The following VPS9D1 variants were observed in gnomAD, a reference collection of about 807,000 sequenced individuals.
VPS9D1 encodes VPS9 domain containing 1, also known as VPS9 domain-containing protein 1.
VPS9D1 carries 78 observed loss-of-function variants against 75.8 expected under a neutral mutation model. The observed-to-expected ratio is 1.03, with a 90% CI of 0.86 to 1.24. The LOEUF is 1.24. Among genes scored for constraint, VPS9D1 ranks in the 50% most tolerant of loss-of-function variants. VPS9D1 has a pLI of 0.00. For synonymous variants in VPS9D1, 481 were observed against 385.6 expected (o/e 1.25, Z -2.90); for missense variants, 1,057 against 847.7 (o/e 1.25, Z -3.07).
rs1266740391 is a variant in VPS9D1 at position 89,710,938 on chromosome 16, G to A, written c.906C>T (p.Ala302=). 3 of 1,480,628 alleles carry A rather than the reference G, an allele frequency of 2.0e-6. No homozygotes were observed. Among genetic ancestry groups the A allele is most frequent in the Non-Finnish European group, 1.8e-6 (2 of 1,120,964 alleles). 91.7% of individuals were successfully genotyped at this position (1,480,628 alleles called of 1,614,324 possible). The change falls in exon 10 of 15, where the codon GCC becomes GCT. Residue 302 remains alanine, a synonymous_variant. Transcript: ENST00000389386. ...QCSVYSALYP[A]VSRAAAPAPG... is the part of the protein sequence containing the mutation. The stretch of plus-strand genomic sequence containing the variant: ...GGGCTGGCGCGGCTGCTCTGCTCAC[G>A]GCGGGATACAGGGCGCTGTACACGG...
At chr16:89,717,327 T>C (rs1447261253) in intron 2 of VPS9D1, 3 of 350,084 alleles carry the variant, frequency 8.6e-6, no homozygotes, top group South Asian at 4.3e-5. Context: ...CTCACTCAGC[T>C]TCACTTGCAA....
At chr16:89,717,247 T>C (rs1597929303) in intron 2 of VPS9D1, 1 of 286,666 alleles carries the variant, frequency 3.5e-6, no homozygotes, top group Non-Finnish European at 6.8e-6. Context: ...TTTTGCCTCC[T>C]GAGTCTGCTA....
intron 12 of VPS9D1, 64 bp from the exon 13 acceptor site, chr16:89,709,020 A>AGGGGGGCCCCCC: frequency 7.8e-7 from 1 of 1,277,898 alleles, no homozygotes; most frequent in Admixed American, 3.1e-5. Context: ...CACCCCTTAT[A>AGGGGGGCCCCCC]CCCCGCCCAC....
At chr16:89,720,583 G>A (rs2061233060) in intron 1 of VPS9D1, 180 bp downstream of exon 1, 2 of 1,219,598 alleles carry the variant, frequency 1.6e-6, no homozygotes, top group Non-Finnish European at 2.0e-6. Flanking sequence ...GCTGTCCAAG[G>A]TCACTGCACG....
At chr16:89,718,201 T>C (rs949318458) in intron 2 of VPS9D1, 2 of 397,864 alleles carry the variant, frequency 5.0e-6, no homozygotes, top group African/African-American at 2.1e-5. Flanking sequence ...CTGCCCCATC[T>C]GCCTCCTGCA....
intron 2 of VPS9D1, chr16:89,718,152 A>G: frequency 2.3e-6 from 1 of 432,326 alleles, no homozygotes; most frequent in South Asian, 1.6e-5. Context: ...TAATGTGTTC[A>G]TTGCGGAACT....
In VPS9D1 at chr16:89,711,406, G is replaced by A; in HGVS notation, c.754C>T (p.Pro252Ser). ...ILEYEQDHDW[P>S]KHWKAKLKRN... is the part of the protein sequence containing the mutation. ...TTGAGCTTGGCCTTCCAGTGCTTCG[G>A]CCAGTCCTACGGGACAGGGGGCCTT... is the stretch of plus-strand genomic sequence containing the variant. The change falls in exon 9 of 15, where the codon CCG becomes TCG. Residue 252 changes from proline (P) to serine (S), a missense_variant. Physicochemically the swap from Pro to Ser is moderately conservative, Grantham distance 74. Coordinates refer to ENST00000389386, the MANE Select transcript of VPS9D1 (RefSeq NM_004913.3). 1 of 1,607,098 alleles carries A rather than the reference G, an allele frequency of 6.2e-7. No individual in the cohort carries two copies. The highest frequency in any genetic ancestry group is 1.1e-5 in the South Asian group (1 of 89,578).
rs752481068 is a variant in VPS9D1 at position 89,710,838 on chromosome 16, A to T, written c.1006T>A (p.Ser336Thr). ...GGGGCTGCGCTGGGCTCGGGCGGGG[A>T]CAGCATGCAATGGAGGCTCTGCGAG... ...RPSQSLHCML[S>T]PPEPSAAPRP... The change falls in exon 10 of 15, where the codon TCC becomes ACC. Residue 336 changes from serine to threonine, a missense_variant. Transcript: ENST00000389386. 16 of 1,527,588 alleles carry T rather than the reference A, an allele frequency of 1.0e-5. No homozygotes were observed. In the South Asian group the frequency reaches 1.9e-4, roughly 18 times the overall value. The allele number at this position is 1,527,588 out of a possible 1,614,324, so 94.6% of individuals were successfully genotyped here. A position where few individuals can be genotyped will look rare whatever the true frequency, so the allele number is the denominator to read the frequency against.
In VPS9D1 at chr16:89,716,980, A is replaced by G. The variant is rs1286305147; in HGVS notation, c.176-158T>C. On this transcript the variant is annotated intron_variant, in intron 2 of 14. Coordinates refer to ENST00000389386, the MANE Select transcript of VPS9D1 (RefSeq NM_004913.3). ...CCACTGCCCCCCCATCCCCTCACTG[A>G]CCCTGGGCAAGCCCACTGCCCCCCC... is the stretch of plus-strand genomic sequence containing the variant. 1.6e-5 allele frequency: 7 copies of G among 436,134 alleles called. No homozygotes were observed. In the African/African-American group the frequency reaches 4.0e-4, roughly 25 times the overall value. 27.0% of individuals were successfully genotyped at this position (436,134 alleles called of 1,614,324 possible). A position where few individuals can be genotyped will look rare whatever the true frequency, so the allele number is the denominator to read the frequency against.
chr16:89,714,011 A>T (rs1435453196), intron 4 of VPS9D1, among the ~76,000 whole-genome samples: 6 of 151,994 alleles, frequency 3.9e-5, no homozygotes, highest in Non-Finnish European at 1.5e-5. Flanking sequence ...ATCTCAACTC[A>T]CTGCAACCTC....
In VPS9D1 at chr16:89,710,902, G is replaced by T. The variant is rs1463139953; in HGVS notation, c.942C>A (p.Cys314Ter). 2.7e-6 allele frequency: 4 copies of T among 1,494,990 alleles called. No homozygotes were observed. Among genetic ancestry groups the T allele is most frequent in the South Asian group, 1.3e-5 (1 of 77,424 alleles). The allele number at this position is 1,494,990 out of a possible 1,614,324, so 92.6% of individuals were successfully genotyped here. ...GGCTTCCGGGGTTGGGGGTCGGGGG[G>T]CAGCAGCCTGGGGCTGGCGCGGCTG... Reference protein sequence around the residue: ...SRAAAPAPGCCPPTPNPGSRR... With the variant: ...SRAAAPAPGC Residue 314 changes from cysteine (C) to a stop codon, truncating the protein, a stop_gained, in exon 10 of 15, where the codon TGC becomes TGA. Coordinates refer to ENST00000389386, the MANE Select transcript of VPS9D1 (RefSeq NM_004913.3). LOFTEE classifies it high-confidence loss of function.
In VPS9D1 at chr16:89,708,537, G is replaced by C. The variant is rs567486102; in HGVS notation, c.1698-6C>G. 6.2e-7 allele frequency: 1 copy of C among 1,611,740 alleles called. No individual in the cohort carries two copies. The highest frequency in any genetic ancestry group is 2.2e-5 in the East Asian group (1 of 44,836). ...GCAGCAGGTCATCGGCACCACTGTCGGGAGGGCATAGCGGCCTTGGGTTGG... is the reference window on the plus strand; with the variant it reads ...GCAGCAGGTCATCGGCACCACTGTCCGGAGGGCATAGCGGCCTTGGGTTGG... On this transcript the variant is annotated splice_region_variant and splice_polypyrimidine_tract_variant and intron_variant, in intron 13 of 14. Transcript: ENST00000389386.
chr16:89,710,726 A>C lies in VPS9D1; in HGVS notation c.1118T>G (p.Leu373Trp), dbSNP rs1418045354. The change falls in exon 10 of 15, where the codon TTG (leucine) becomes TGG (tryptophan). Residue 373 changes from leucine to tryptophan, a missense_variant. Leu to Trp is a moderately conservative substitution (Grantham distance 61, BLOSUM62 -2). Transcript: ENST00000389386. ...PSPLGDTASGLPDKDSSFEDL... is the reference protein window; with the variant it reads ...PSPLGDTASGWPDKDSSFEDL... ...CTCGAACGAGCTGTCCTTGTCTGGC[A>C]ATCCAGATGCGGTGTCCCCCAGGGG... 5.0e-6 allele frequency: 8 copies of C among 1,596,274 alleles called. No homozygotes were observed. Among genetic ancestry groups the C allele is most frequent in the Non-Finnish European group, 6.8e-6 (8 of 1,171,926 alleles).
chr16:89,720,701 C>G, intron 1 of VPS9D1, 62 bp downstream of exon 1: 1 of 1,329,756 alleles, frequency 7.5e-7, no homozygotes, highest in Non-Finnish European at 9.6e-7. Context: ...TCGCCCTCCC[C>G]GGGCGGGGGT....
At chr16:89,720,317 C>T in intron 1 of VPS9D1, 4 of 818,962 alleles carry the variant, frequency 4.9e-6, no homozygotes, top group Non-Finnish European at 1.5e-6. Context: ...CCTGCTTTTC[C>T]TTCCTAAGAC....
rs1008302564 is a variant in VPS9D1 at position 89,713,261 on chromosome 16, C to CT, written c.432-546dup. ...CAGGACTTTTGGTTTTTCTTTTTTTCTTTTTTTTTTTGAGACGGAGTCTCG... is the reference window on the plus strand; with the variant it reads ...CAGGACTTTTGGTTTTTCTTTTTTTCTTTTTTTTTTTTGAGACGGAGTCTCG... On this transcript the variant is annotated intron_variant, in intron 4 of 14. Coordinates refer to ENST00000389386, the MANE Select transcript of VPS9D1 (RefSeq NM_004913.3). 2.2e-3 allele frequency among the ~76,000 whole-genome samples: 323 copies of CT among 146,630 alleles called. 1 individual carries two copies. Among genetic ancestry groups the CT allele is most frequent in the African/African-American group, 6.2e-3 (251 of 40,218 alleles).
intron 4 of VPS9D1, among the ~76,000 whole-genome samples, chr16:89,713,949 T>G (rs2061002350): frequency 6.6e-6 from 1 of 152,096 alleles, no homozygotes; most frequent in African/African-American, 2.4e-5. Flanking sequence ...TGCAAAATTT[T>G]TTTTTTTGAG....
chr16:89,707,950 G>C lies in VPS9D1; in HGVS notation c.1807C>G (p.Leu603Val). ...ALEEFIHEGYLIGEEGYCLTS... is the reference protein window; with the variant it reads ...ALEEFIHEGYVIGEEGYCLTS... ...AGGCAGTAGCCCTCCTCTCCGATCAGGTACCTGCATGGATGGCAGGGGCAG... is the reference window on the plus strand; with the variant it reads ...AGGCAGTAGCCCTCCTCTCCGATCACGTACCTGCATGGATGGCAGGGGCAG... Residue 603 changes from leucine (L) to valine (V), a missense_variant, in exon 15 of 15, where the codon CTG becomes GTG. Leu to Val is a conservative substitution (Grantham distance 32). Coordinates refer to ENST00000389386, the MANE Select transcript of VPS9D1 (RefSeq NM_004913.3). 6.2e-7 allele frequency: 1 copy of C among 1,612,966 alleles called. No individual in the cohort carries two copies. The highest frequency in any genetic ancestry group is 8.5e-7 in the Non-Finnish European group (1 of 1,179,924).
chr16:89,710,501 C>T (rs1045435818), intron 10 of VPS9D1, 85 bp downstream of exon 10: 2 of 1,427,620 alleles, frequency 1.4e-6, no homozygotes, highest in Admixed American at 2.3e-5. Context: ...GATCAACAGA[C>T]CCTTCCCCAA....
Sources: gnomAD v4.1 joint callset for allele counts (sites outside exome capture counted in the v4.1 genomes callset) on GRCh38, gnomAD v4.1.1 for gene constraint, MANE v1.5 for transcripts, NCBI Gene and HGNC (gene_info 2026-07-23, HGNC 2026-07-21) for gene names.